The following UXS1 variants were observed in gnomAD, a reference collection of about 807,000 sequenced individuals.
The protein encoded by UXS1 is UDP-glucuronic acid decarboxylase 1.
A neutral mutation model predicts 62.6 loss-of-function variants in UXS1; 33 were observed. The ratio of observed to expected loss-of-function variants is 0.53; its 90% CI spans 0.40 to 0.70. The LOEUF is 0.70. UXS1 is among the 30% of genes least tolerant of loss of function. The probability of loss-of-function intolerance (pLI) is 0.00; values close to 1 mark genes in which losing one functional copy is unlikely to be tolerated. For synonymous variants in UXS1, 213 were observed against 206.8 expected, an observed-to-expected ratio of 1.03 and a Z score of -0.26; for missense variants, 434 against 556.3, an observed-to-expected ratio of 0.78 and a Z score of 2.21.
At chr2:106,128,335 C>A (rs1332841010) in intron 7 of UXS1, among the ~76,000 whole-genome samples, 1 of 152,220 alleles carries the variant, frequency 6.6e-6, no homozygotes, top group Non-Finnish European at 1.5e-5. Context: ...TTACTCCAAA[C>A]AACCTGTCCC....
intron 12 of UXS1, 68 bp downstream of exon 12, chr2:106,100,990 T>C: frequency 6.3e-7 from 1 of 1,584,494 alleles, no homozygotes; most frequent in South Asian, 1.1e-5. Context: ...AGCCTGGTGC[T>C]GCTCATGGTT....
At chr2:106,146,706 G>A (rs1218637125) in intron 5 of UXS1, among the ~76,000 whole-genome samples, 1 of 148,374 alleles carries the variant, frequency 6.7e-6, no homozygotes, top group Non-Finnish European at 1.5e-5. Flanking sequence ...CTTGAACCCA[G>A]GAGGCGGAAG....
rs537972921 is a variant in UXS1, at chr2:106,108,957, T to C, written c.879+3689A>G. 5.5e-5 allele frequency among the ~76,000 whole-genome samples: 8 copies of C among 144,794 alleles called. No individual in the cohort carries two copies. In the South Asian group the frequency reaches 1.9e-3, roughly 34 times the overall value. The allele number at this position is 144,794 out of a possible 152,430, so 95.0% of individuals were successfully genotyped here. A position where few individuals can be genotyped will look rare whatever the true frequency, so the allele number is the denominator to read the frequency against. On this transcript the variant is annotated intron_variant, in intron 10 of 14. Transcript: ENST00000283148. ...AGAAACCCTTACCCTCGATATCTGA[T>C]CACCCTCGACATCTGACATTCCTCA...
intron 14 of UXS1, among the ~76,000 whole-genome samples, chr2:106,095,665 C>A (rs1052635878): frequency 6.6e-6 from 1 of 152,232 alleles, no homozygotes; most frequent in African/African-American, 2.4e-5. Flanking sequence ...GGCTACACTA[C>A]ACGCCTCTGC....
At chr2:106,105,092 G>A (rs779704511) in intron 10 of UXS1, among the ~76,000 whole-genome samples, 16 of 152,202 alleles carry the variant, frequency 1.1e-4, no homozygotes, top group South Asian at 2.1e-4. Context: ...AGTGCCTGAA[G>A]GAATTCGCTT....
At chr2:106,164,941 A>C in intron 2 of UXS1, 142 bp from the exon 3 acceptor site, 1 of 593,770 alleles carries the variant, frequency 1.7e-6, no homozygotes, top group East Asian at 3.1e-5. Flanking sequence ...TCCAGAAGGG[A>C]TGCACCAGAG....
chr2:106,186,596 C>A, intron 1 of UXS1, among the ~76,000 whole-genome samples: 1 of 151,908 alleles, frequency 6.6e-6, no homozygotes, highest in East Asian at 1.9e-4. Flanking sequence ...AATTTAGAGG[C>A]ATAAAACCAA....
chr2:106,151,522 G>A (rs370814096), intron 5 of UXS1, among the ~76,000 whole-genome samples: 320 of 152,186 alleles, frequency 2.1e-3, no homozygotes, highest in African/African-American at 7.3e-3. Flanking sequence ...ACGGGATGAC[G>A]CAGCAAGAAT....
intron 1 of UXS1, among the ~76,000 whole-genome samples, chr2:106,184,130 C>T (rs1684413618): frequency 6.6e-6 from 1 of 151,960 alleles, no homozygotes; most frequent in African/African-American, 2.4e-5. Flanking sequence ...AGGCAGAAGT[C>T]ACAGTGAGGC....
rs1683101418 is a variant in UXS1 at position 106,164,627 on chromosome 2, A to C, written c.186+109T>G. 5 of 832,288 alleles carry C rather than the reference A, an allele frequency of 6.0e-6. No individual in the cohort carries two copies. The South Asian group carries it at 1.0e-4, about 17-fold the overall frequency. 51.6% of individuals were successfully genotyped at this position (832,288 alleles called of 1,614,324 possible). On this transcript the variant is annotated intron_variant, in intron 3 of 14. Transcript: ENST00000283148. Reference sequence around the variant, plus strand: ...TAATTTTTTGAGACACGGTTGCAAAATCACAGAACAGCATCAAGCTGCCAC... The same window carrying C: ...TAATTTTTTGAGACACGGTTGCAAACTCACAGAACAGCATCAAGCTGCCAC...
intron 1 of UXS1, among the ~76,000 whole-genome samples, chr2:106,171,981 C>CA (rs1457825266): frequency 6.6e-6 from 1 of 152,240 alleles, no homozygotes; most frequent in East Asian, 1.9e-4. Context: ...CCCCTGGCTG[C>CA]GGGGTCCTCA....
intron 14 of UXS1, among the ~76,000 whole-genome samples, chr2:106,094,865 C>G (rs781368528): frequency 6.6e-6 from 1 of 152,170 alleles, no homozygotes; most frequent in African/African-American, 2.4e-5. Flanking sequence ...TTGACTGCAG[C>G]GATGGTTTCA....
At chr2:106,187,372 C>G (rs1302199181) in intron 1 of UXS1, among the ~76,000 whole-genome samples, 3 of 152,142 alleles carry the variant, frequency 2.0e-5, no homozygotes, top group Non-Finnish European at 4.4e-5. Context: ...TGCTGTCCCC[C>G]AGGGTCCTCT....
At position 106,185,820 on chromosome 2, in the gene UXS1, T is replaced by C. The variant is rs192985194; in HGVS notation, c.94+8328A>G. Among the ~76,000 whole-genome samples the C allele has an allele frequency of 4.7e-3, 723 of 152,282 alleles. 6 individuals carry two copies. The highest frequency in any genetic ancestry group is 0.017 in the African/African-American group (690 of 41,548). ...TAGCAGACAGAAAAGGAGGAGGCCA[T>C]GTCACCGCAGAGGCTGGAGCAGTGC... is the stretch of plus-strand genomic sequence containing the variant. On this transcript the variant is annotated intron_variant, in intron 1 of 14. Transcript: ENST00000283148.
At chr2:106,138,465 C>G in intron 6 of UXS1, 1 of 985,540 alleles carries the variant, frequency 1.0e-6, no homozygotes. Flanking sequence ...CAAATGCAGA[C>G]TCCTGAGCCC....
chr2:106,117,938 G>A (rs929136859), intron 9 of UXS1, among the ~76,000 whole-genome samples: 1 of 152,234 alleles, frequency 6.6e-6, no homozygotes, highest in Non-Finnish European at 1.5e-5. Context: ...GAGGAAGGGG[G>A]TCCAGGAGGG....
At chr2:106,179,245 C>G (rs1014446130) in intron 1 of UXS1, among the ~76,000 whole-genome samples, 1 of 152,110 alleles carries the variant, frequency 6.6e-6, no homozygotes, top group African/African-American at 2.4e-5. Flanking sequence ...TGGTCTCCCC[C>G]ACCCCACCCT....
chr2:106,155,641 G>C (rs1682366243), intron 5 of UXS1, among the ~76,000 whole-genome samples: 1 of 152,170 alleles, frequency 6.6e-6, no homozygotes, highest in Non-Finnish European at 1.5e-5. Flanking sequence ...TAAGTGTGTA[G>C]CAGGCTGTAC....
rs1351983006 is a variant in UXS1 at position 106,104,774 on chromosome 2, G to A, written c.923+20C>T. On this transcript the variant is annotated intron_variant, in intron 11 of 14. Coordinates refer to ENST00000283148, the MANE Select transcript of UXS1 (RefSeq NM_001253875.2). ...GCTCCAAAGCACTGCTAAGGCTGGG[G>A]CAGGGCAGGACAGTCTTACCTGACG... The A allele has an allele frequency of 1.9e-6, 3 of 1,613,922 alleles. No individual in the cohort carries two copies. The highest frequency in any genetic ancestry group is 2.2e-5 in the South Asian group (2 of 91,078).
Sources: allele counts gnomAD v4.1 joint callset (sites outside exome capture counted in the v4.1 genomes callset), GRCh38; gene constraint gnomAD v4.1.1; transcripts MANE v1.5; gene names NCBI Gene and HGNC (gene_info 2026-07-23, HGNC 2026-07-21).